CMTM8: variants seen among roughly 807,000 people sequenced by gnomAD.
The protein encoded by CMTM8 is CKLF like MARVEL transmembrane domain containing 8, also known as CKLF-like MARVEL transmembrane domain-containing protein 8.
In CMTM8, 12 loss-of-function variants were observed where a neutral mutation model predicts 18.6. The observed-to-expected ratio is 0.65, with a 90% CI of 0.41 to 1.05. The LOEUF is 1.05. Ranked by LOEUF, CMTM8 falls within the 50% of genes least tolerant of loss-of-function variation. CMTM8 has a pLI of 0.00. For missense variants in CMTM8, 217 were observed against 227.2 expected, an observed-to-expected ratio of 0.95 and a Z score of 0.29; for synonymous variants, 87 against 90.6, an observed-to-expected ratio of 0.96 and a Z score of 0.23.
chr3:32,342,393 G>T (rs1696516544), intron 1 of CMTM8, among the ~76,000 whole-genome samples: 2 of 152,204 alleles, frequency 1.3e-5, no homozygotes, highest in Non-Finnish European at 1.5e-5. Flanking sequence ...ATAAATATTG[G>T]TTGAATAGAT....
At chr3:32,334,258 G>A (rs1016543044) in intron 1 of CMTM8, among the ~76,000 whole-genome samples, 41 of 151,668 alleles carry the variant, frequency 2.7e-4, no homozygotes, top group Non-Finnish European at 4.4e-4. Context: ...GACTACAGGC[G>A]TGAGCCACCA....
intron 1 of CMTM8, among the ~76,000 whole-genome samples, chr3:32,263,450 A>G (rs2125538770): frequency 1.3e-5 from 2 of 152,314 alleles, no homozygotes; most frequent in Admixed American, 1.3e-4. Context: ...CCCCATCTGT[A>G]CGTCACCATC....
chr3:32,343,541 C>G (rs1696539382), intron 1 of CMTM8, among the ~76,000 whole-genome samples: 1 of 152,212 alleles, frequency 6.6e-6, no homozygotes, highest in African/African-American at 2.4e-5. Context: ...CTCTGACCTT[C>G]CAGACTTGGT....
At chr3:32,247,259 CAG>C (rs781446464) in intron 1 of CMTM8, among the ~76,000 whole-genome samples, 2 of 151,378 alleles carry the variant, frequency 1.3e-5, no homozygotes, top group African/African-American at 2.4e-5. Flanking sequence ...GTCTACAACT[CAG>C]GGGTTTTTAG....
chr3:32,239,208 G>C, intron 1 of CMTM8, 89 bp downstream of exon 1: 3 of 1,429,474 alleles, frequency 2.1e-6, no homozygotes, highest in Non-Finnish European at 2.8e-6. Context: ...AGCCTGCTCA[G>C]ATCTTCCCGC....
intron 1 of CMTM8, among the ~76,000 whole-genome samples, chr3:32,319,074 A>ATATATTTTTTTTTTTTT: frequency 3.5e-4 from 11 of 31,530 alleles, no homozygotes; most frequent in East Asian, 3.1e-3. Context: ...ATATATATAT[A>ATATATTTTTTTTTTTTT]TTTTTTTTTT....
At chr3:32,297,438 C>T (rs1245648328) in intron 1 of CMTM8, among the ~76,000 whole-genome samples, 1 of 152,208 alleles carries the variant, frequency 6.6e-6, no homozygotes, top group Non-Finnish European at 1.5e-5. Context: ...CCTATGCCTC[C>T]CGAAGTGTTG....
chr3:32,255,194 A>T (rs890012486), intron 1 of CMTM8, among the ~76,000 whole-genome samples: 2 of 152,052 alleles, frequency 1.3e-5, no homozygotes, highest in Non-Finnish European at 2.9e-5. Flanking sequence ...TCTGCCTTTT[A>T]ACTATTATTA....
intron 1 of CMTM8, among the ~76,000 whole-genome samples, chr3:32,318,085 G>A (rs988679675): frequency 1.6e-4 from 23 of 148,116 alleles, no homozygotes; most frequent in African/African-American, 5.0e-4. Context: ...AAAAGAATGC[G>A]TTCTAAGTTC....
chr3:32,356,759 C>T (rs13080067), intron 1 of CMTM8, among the ~76,000 whole-genome samples: 35,168 of 152,142 alleles, frequency 0.23, 4,177 homozygotes, highest in East Asian at 0.35. Context: ...TTGACAAATA[C>T]CAGCCTGGGA....
intron 1 of CMTM8, chr3:32,244,023 G>A (rs1701978719): frequency 6.0e-6 from 1 of 167,832 alleles, no homozygotes; most frequent in Non-Finnish European, 1.3e-5. Context: ...GTTCATGGTA[G>A]ACCAACTTTG....
chr3:32,246,394 C>G (rs975872079), intron 1 of CMTM8, among the ~76,000 whole-genome samples: 5 of 152,194 alleles, frequency 3.3e-5, no homozygotes, highest in Non-Finnish European at 7.3e-5. Flanking sequence ...CCACAGAAGA[C>G]AGGCTACCTA....
chr3:32,364,728 A>G lies in CMTM8; in HGVS notation c.322-3144A>G, dbSNP rs529867162. On this transcript the variant is annotated intron_variant, in intron 2 of 3. Transcript: ENST00000307526. ...TTTAAACTCTTGAGGACTCTTGAGGATATCAGATGCCTGAAAATCTTGCCT... is the reference window on the plus strand; with the variant it reads ...TTTAAACTCTTGAGGACTCTTGAGGGTATCAGATGCCTGAAAATCTTGCCT... Among the ~76,000 whole-genome samples the G allele has an allele frequency of 1.4e-4, 22 of 152,314 alleles. No homozygotes were observed. The South Asian group carries it at 3.9e-3, about 27-fold the overall frequency.
chr3:32,281,258 T>A (rs1702605258), intron 1 of CMTM8, among the ~76,000 whole-genome samples: 1 of 152,158 alleles, frequency 6.6e-6, no homozygotes, highest in African/African-American at 2.4e-5. Context: ...CTCTTACCCA[T>A]CAAAAGAACT....
chr3:32,362,041 C>CTTGTCTTTT (rs1696941768), intron 2 of CMTM8, among the ~76,000 whole-genome samples: 1 of 11,698 alleles, frequency 8.5e-5, no homozygotes, highest in Non-Finnish European at 2.8e-4. Flanking sequence ...CTACTATTTT[C>CTTGTCTTTT]TTTTCTTTTT....
intron 1 of CMTM8, among the ~76,000 whole-genome samples, chr3:32,250,264 G>T (rs1012559096): frequency 6.6e-6 from 1 of 152,158 alleles, no homozygotes; most frequent in African/African-American, 2.4e-5. Flanking sequence ...ATGCTGTATT[G>T]ATTACTGTAA....
At chr3:32,319,667 T>C (rs1377682883) in intron 1 of CMTM8, among the ~76,000 whole-genome samples, 1 of 152,220 alleles carries the variant, frequency 6.6e-6, no homozygotes, top group African/African-American at 2.4e-5. Flanking sequence ...TGTGAACATG[T>C]AATTAACAAT....
chr3:32,366,394 C>T (rs1180108651), intron 2 of CMTM8, among the ~76,000 whole-genome samples: 3 of 152,220 alleles, frequency 2.0e-5, no homozygotes, highest in African/African-American at 7.2e-5. Flanking sequence ...CTCTGGCCCC[C>T]TCGTCCACAT....
chr3:32,264,513 A>C (rs1001308120), intron 1 of CMTM8, among the ~76,000 whole-genome samples: 1 of 152,226 alleles, frequency 6.6e-6, no homozygotes, highest in Non-Finnish European at 1.5e-5. Flanking sequence ...AATTGTAAAG[A>C]CCATCGAGGC....
Sources: allele counts gnomAD v4.1 joint callset (sites outside exome capture counted in the v4.1 genomes callset), GRCh38; gene constraint gnomAD v4.1.1; transcripts MANE v1.5; gene names NCBI Gene and HGNC (gene_info 2026-07-23, HGNC 2026-07-21).